The following NLGN3 variants were observed in gnomAD, a reference collection of about 807,000 sequenced individuals.
The protein encoded by NLGN3 is neuroligin-3.
Under a neutral mutation model 42.9 loss-of-function variants are expected in NLGN3, and 11 were observed. The ratio of observed to expected loss-of-function variants is 0.26; its 90% CI spans 0.16 to 0.42. The LOEUF is 0.42. Ranked by LOEUF, NLGN3 falls within the 10% of genes least tolerant of loss-of-function variation. The probability of loss-of-function intolerance (pLI) is 1.00; values close to 1 mark genes in which losing one functional copy is unlikely to be tolerated. For synonymous variants in NLGN3, 279 were observed against 312.7 expected, an observed-to-expected ratio of 0.89 and a Z score of 1.14; for missense variants, 374 against 733.8, an observed-to-expected ratio of 0.51 and a Z score of 5.67.
rs1168453634 is a variant in NLGN3, at chrX:71,146,172, GACACACAC to G, written c.-201+1250_-201+1257del. Among the ~76,000 whole-genome samples, 193 of 38,173 alleles carry G rather than the reference GACACACAC, an allele frequency of 5.1e-3. 1 individual carries two copies. Among genetic ancestry groups the G allele is most frequent in the East Asian group, 0.028 (29 of 1,038 alleles). 33.1% of individuals were successfully genotyped at this position (38,173 alleles called of 115,157 possible). ...TCTCTCTCACACACACACACACACA[GACACACAC>G]ACACACACACACACACACACACACA... On this transcript the variant is annotated intron_variant, in intron 1 of 7. Transcript: ENST00000358741.
chrX:71,173,773 T>C (rs2092474598), downstream of NLGN3, among the ~76,000 whole-genome samples: 3 of 112,230 alleles, frequency 2.7e-5, no homozygotes, highest in South Asian at 1.1e-3. Context: ...TTGGGTTGTG[T>C]ACTGTCAGGA....
chrX:71,150,701 CAAAAAAA>C (rs1174331159), intron 3 of NLGN3, among the ~76,000 whole-genome samples: 49 of 29,226 alleles, frequency 1.7e-3, no homozygotes, highest in African/African-American at 2.6e-3. Flanking sequence ...GACTCCATCT[CAAAAAAA>C]AAAAAAAAAA....
chrX:71,148,911 T>G lies in NLGN3; in HGVS notation c.517+6T>G. 2 of 1,077,677 alleles carry G rather than the reference T, an allele frequency of 1.9e-6. No homozygotes were observed. Among genetic ancestry groups the G allele is most frequent in the Non-Finnish European group, 2.5e-6 (2 of 813,327 alleles). The allele number at this position is 1,077,677 out of a possible 1,213,427, so 88.8% of individuals were successfully genotyped here. On this transcript the variant is annotated splice_donor_region_variant and intron_variant, in intron 3 of 7. Transcript: ENST00000358741. The stretch of plus-strand genomic sequence containing the variant: ...GAAAATTTGTAGGAAAGGAGGTAGG[T>G]AGCGAGCCGGCGGGGAGGGAGAGAG...
rs754758350 is a variant in NLGN3, at chrX:71,150,718, A to AG, written c.517+1813_517+1814insG. Reference sequence around the variant, plus strand: ...CTCCATCTCAAAAAAAAAAAAAAAAAAAAAGAAAGAAAAGAAAAGAAAAAA... The same window carrying AG: ...CTCCATCTCAAAAAAAAAAAAAAAAAGAAAAGAAAGAAAAGAAAAGAAAAAA... On this transcript the variant is annotated intron_variant, in intron 3 of 7. Coordinates refer to ENST00000358741, the MANE Select transcript of NLGN3 (RefSeq NM_181303.2). Among the ~76,000 whole-genome samples the AG allele has an allele frequency of 7.3e-3, 748 of 102,873 alleles. 17 individuals are homozygous for AG. Among genetic ancestry groups the AG allele is most frequent in the African/African-American group, 0.021 (587 of 27,632 alleles). The allele number at this position is 102,873 out of a possible 115,157, so 89.3% of individuals were successfully genotyped here.
At chrX:71,151,255 G>A (rs1274662894) in intron 3 of NLGN3, among the ~76,000 whole-genome samples, 3 of 109,844 alleles carry the variant, frequency 2.7e-5, no homozygotes, top group South Asian at 4.0e-4. Flanking sequence ...GTTGCAGTGA[G>A]CCGAGGTGGT....
intron 5 of NLGN3, 126 bp from the exon 6 acceptor site, chrX:71,164,017 T>A: frequency 1.6e-6 from 1 of 627,806 alleles, no homozygotes; most frequent in Non-Finnish European, 2.6e-6. Flanking sequence ...AAGTTAACTA[T>A]GTGGGAAGAA....
chrX:71,145,437 G>A (rs1372217973), intron 1 of NLGN3, among the ~76,000 whole-genome samples: 1 of 97,624 alleles, frequency 1.0e-5, no homozygotes, highest in Non-Finnish European at 2.0e-5. Context: ...CCAAGCCCTC[G>A]TAGCCCCCAA....
At chrX:71,163,620 T>C (rs1385157937) in intron 5 of NLGN3, among the ~76,000 whole-genome samples, 2 of 112,382 alleles carry the variant, frequency 1.8e-5, no homozygotes, top group African/African-American at 6.5e-5. Context: ...TAGATGCTTA[T>C]GTTCATTTTA....
chrX:71,154,626 A>G (rs1303226433), intron 4 of NLGN3, among the ~76,000 whole-genome samples: 1 of 111,781 alleles, frequency 8.9e-6, no homozygotes, highest in East Asian at 2.8e-4. Context: ...CTAAGAAACC[A>G]TGTCAACAAG....
rs1376439445 is a variant in NLGN3 at position 71,167,456 on chromosome X, C to A, written c.1359C>A (p.Thr453=). ...YPEGKDTLRE[T]IKFMYTDWAD... ...AGGGTAAGGACACCCTGCGAGAGAC[C>A]ATCAAGTTCATGTATACAGACTGGG... The change falls in exon 7 of 8, where the codon ACC becomes ACA. Residue 453 remains threonine, a synonymous_variant. Coordinates refer to ENST00000358741, the MANE Select transcript of NLGN3 (RefSeq NM_181303.2). 8.3e-7 allele frequency: 1 copy of A among 1,210,952 alleles called. No homozygotes were observed. Among genetic ancestry groups the A allele is most frequent in the Non-Finnish European group, 1.1e-6 (1 of 895,136 alleles).
intron 5 of NLGN3, among the ~76,000 whole-genome samples, chrX:71,163,071 G>A (rs1156253589): frequency 9.0e-6 from 1 of 111,079 alleles, no homozygotes; most frequent in Non-Finnish European, 1.9e-5. Context: ...CAGAGTAGGG[G>A]GGAATATAGG....
At chrX:71,160,265 G>A (rs1431687477) in intron 5 of NLGN3, among the ~76,000 whole-genome samples, 4 of 102,159 alleles carry the variant, frequency 3.9e-5, no homozygotes, top group Non-Finnish European at 5.9e-5. Context: ...CGCTCAGGCT[G>A]GAGTGCAATG....
chrX:71,153,419 C>T, intron 3 of NLGN3, 58 bp from the exon 4 acceptor site: 1 of 1,119,205 alleles, frequency 8.9e-7, no homozygotes, highest in Non-Finnish European at 1.2e-6. Context: ...TTTTTGAATT[C>T]TCTCTCTGTT....
At chrX:71,153,874 C>T (rs1332724416) in intron 4 of NLGN3, among the ~76,000 whole-genome samples, 2 of 111,728 alleles carry the variant, frequency 1.8e-5, no homozygotes, top group Non-Finnish European at 3.8e-5. Context: ...CCACTGAGGG[C>T]GGGGAGAGGA....
intron 3 of NLGN3, among the ~76,000 whole-genome samples, chrX:71,150,701 C>CA (rs1174331159): frequency 0.014 from 396 of 28,836 alleles, 1 homozygote; most frequent in East Asian, 0.021. Context: ...GACTCCATCT[C>CA]AAAAAAAAAA....
chrX:71,145,487 C>T (rs2092363198), intron 1 of NLGN3, among the ~76,000 whole-genome samples: 1 of 107,973 alleles, frequency 9.3e-6, no homozygotes, highest in African/African-American at 3.4e-5. Context: ...TGCACAATGC[C>T]CCGCGCCCAG....
At chrX:71,173,530 CA>C (rs2092474361), downstream of NLGN3, among the ~76,000 whole-genome samples, 1 of 112,510 alleles carries the variant, frequency 8.9e-6, no homozygotes, top group Admixed American at 9.4e-5. Flanking sequence ...TTTAACATTG[CA>C]AAAAGCATTA....
At chrX:71,165,781 A>G (rs2092444980) in intron 6 of NLGN3, among the ~76,000 whole-genome samples, 1 of 111,068 alleles carries the variant, frequency 9.0e-6, no homozygotes, top group African/African-American at 3.3e-5. Flanking sequence ...CGATCTGCCT[A>G]CCTCGGCCTC....
Position 71,168,684 on chromosome X carries a change from C to T in NLGN3, c.1704-570C>T, listed in dbSNP as rs770101767. On this transcript the variant is annotated intron_variant, in intron 7 of 7. Transcript: ENST00000358741. ...TTGCAGTGAGCCGAGGTTGCCCCACCGCACTCCAGCCTGTGCGACAGAGCG... is the reference window on the plus strand; with the variant it reads ...TTGCAGTGAGCCGAGGTTGCCCCACTGCACTCCAGCCTGTGCGACAGAGCG... 1.8e-4 allele frequency among the ~76,000 whole-genome samples: 17 copies of T among 95,113 alleles called. No homozygotes were observed. The East Asian group carries it at 2.2e-3, about 13-fold the overall frequency. The allele number at this position is 95,113 out of a possible 115,157, so 82.6% of individuals were successfully genotyped here. A position where few individuals can be genotyped will look rare whatever the true frequency, so the allele number is the denominator to read the frequency against.
Sources: allele counts gnomAD v4.1 joint callset (sites outside exome capture counted in the v4.1 genomes callset), GRCh38; gene constraint gnomAD v4.1.1; transcripts MANE v1.5; gene names NCBI Gene and HGNC (gene_info 2026-07-23, HGNC 2026-07-21).